Variants in TTC34 observed in about 807,000 individuals in gnomAD.
The protein encoded by TTC34 is tetratricopeptide repeat protein 34.
TTC34 carries 44 observed loss-of-function variants against 40.7 expected under a neutral mutation model. That is an observed-to-expected ratio of 1.08 (90% confidence interval 0.85 to 1.39). The LOEUF (loss-of-function observed/expected upper bound fraction) is 1.39. Among genes scored for constraint, TTC34 ranks in the 40% most tolerant of loss-of-function variants. TTC34 has a pLI of 0.00. For synonymous variants in TTC34, 422 were observed against 398.6 expected (o/e 1.06, Z -0.70); for missense variants, 884 against 838.0 (o/e 1.05, Z -0.68).
intron 6 of TTC34, among the ~76,000 whole-genome samples, chr1:2,768,107 C>A (rs962215447): frequency 1.7e-4 from 26 of 151,408 alleles, no homozygotes; most frequent in Non-Finnish European, 3.2e-4. Flanking sequence ...TGTCTGACAG[C>A]CTAGAGCGGC....
Position 2,650,620 on chromosome 1 carries a change from C to T in TTC34, c.2227-5057G>A, listed in dbSNP as rs766154148. Among the ~76,000 whole-genome samples the T allele has an allele frequency of 1.3e-4, 20 of 148,968 alleles. No individual in the cohort carries two copies. The South Asian group carries it at 2.0e-3, about 15-fold the overall frequency. On this transcript the variant is annotated intron_variant, in intron 6 of 8. Coordinates refer to ENST00000401095, the Ensembl canonical transcript of TTC34. ...AATCTGACAGCCTGGATCAGCACTT[C>T]GACCTTCAGGTGAGTGTCTGAGAGC...
chr1:2,687,124 C>T (rs1331527212), intron 6 of TTC34, among the ~76,000 whole-genome samples: 1 of 145,178 alleles, frequency 6.9e-6, no homozygotes, highest in Non-Finnish European at 1.5e-5. Context: ...GCACCCCACA[C>T]CCACAGGTGA....
intron 6 of TTC34, among the ~76,000 whole-genome samples, chr1:2,686,890 A>ACAGCC (rs1640384348): frequency 2.7e-5 from 1 of 37,422 alleles, no homozygotes; most frequent in Non-Finnish European, 5.0e-5. Flanking sequence ...ACACCCCCTG[A>ACAGCC]TGAGCATCTG....
At chr1:2,792,033 T>TTTTTTTTTTTTTTTTTTTTTCTTTTTA (rs1553171534) in intron 2 of TTC34, among the ~76,000 whole-genome samples, 1 of 107,104 alleles carries the variant, frequency 9.3e-6, no homozygotes, top group African/African-American at 4.0e-5. Context: ...TTTTTTTTTT[T>TTTTTTTTTTTTTTTTTTTTTCTTTTTA]AAAGACAGGG....
rs1412319998 is a variant in TTC34 at position 2,700,013 on chromosome 1, C to A, written c.2227-54450G>T. Among the ~76,000 whole-genome samples the A allele has an allele frequency of 5.1e-5, 6 of 118,326 alleles. 1 individual carries two copies. Among genetic ancestry groups the A allele is most frequent in the Admixed American group, 1.8e-4 (2 of 11,042 alleles). The allele number at this position is 118,326 out of a possible 152,430, so 77.6% of individuals were successfully genotyped here. A position where few individuals can be genotyped will look rare whatever the true frequency, so the allele number is the denominator to read the frequency against. ...TGACAGCCTGGAGCAGCGTCCACAC[C>A]CCCAGGTGAGCATCTGATAGCCTGG... On this transcript the variant is annotated intron_variant, in intron 6 of 8. Transcript: ENST00000401095.
chr1:2,677,662 C>T (rs1440095835), intron 6 of TTC34, among the ~76,000 whole-genome samples: 117 of 151,430 alleles, frequency 7.7e-4, no homozygotes, highest in South Asian at 1.5e-3. Context: ...CCCAGGCGAG[C>T]ATCTGACAGC....
intron 6 of TTC34, among the ~76,000 whole-genome samples, chr1:2,649,570 T>G (rs1639085538): frequency 6.6e-6 from 1 of 151,872 alleles, no homozygotes; most frequent in South Asian, 2.1e-4. Flanking sequence ...AGATGGAGTC[T>G]CTCTCTGTCG....
chr1:2,694,228 C>CAGA (rs1640759067), intron 6 of TTC34, among the ~76,000 whole-genome samples: 1 of 119,460 alleles, frequency 8.4e-6, no homozygotes. Context: ...AGCACCCACA[C>CAGA]CCCCAGGCGA....
At chr1:2,790,395 C>T (rs936961445) in intron 2 of TTC34, 49 bp from the exon 3 acceptor site, 7 of 398,326 alleles carry the variant, frequency 1.8e-5, no homozygotes, top group African/African-American at 1.0e-4. Context: ...GCCGACTCCC[C>T]GGGGGTGCCA....
At chr1:2,790,386 C>T in intron 2 of TTC34, 40 bp from the exon 3 acceptor site, 2 of 398,438 alleles carry the variant, frequency 5.0e-6, no homozygotes. Flanking sequence ...GCCTGGGGGG[C>T]CGACTCCCCG....
rs548979220 is a variant in TTC34, at chr1:2,648,027, C to T, written c.2227-2464G>A. Among the ~76,000 whole-genome samples, 4 of 150,920 alleles carry T rather than the reference C, an allele frequency of 2.7e-5. No individual in the cohort carries two copies. In the South Asian group the frequency reaches 8.3e-4, roughly 31 times the overall value. ...ACTGTTTTTTTTTTTTCATATTCCT[C>T]TGCTAGGATTCTCCATCAAGCTCAC... On this transcript the variant is annotated intron_variant, in intron 6 of 8. Transcript: ENST00000401095.
intron 6 of TTC34, among the ~76,000 whole-genome samples, chr1:2,692,299 G>A (rs1433696521): frequency 7.3e-5 from 2 of 27,518 alleles, no homozygotes; most frequent in African/African-American, 2.4e-4. Context: ...GGAGCAGCAG[G>A]CACACCCCCA....
intron 6 of TTC34, among the ~76,000 whole-genome samples, chr1:2,699,088 C>G (rs1178313241): frequency 6.8e-6 from 1 of 147,404 alleles, no homozygotes; most frequent in African/African-American, 2.5e-5. Context: ...GCAGCGCCCA[C>G]ACACCCAAGT....
chr1:2,694,973 C>A (rs1290237263), intron 6 of TTC34, among the ~76,000 whole-genome samples: 1 of 151,418 alleles, frequency 6.6e-6, no homozygotes, highest in Admixed American at 6.6e-5. Context: ...CATCTGACAG[C>A]CTGGAGCAGC....
chr1:2,771,318 T>A (rs1167606003), intron 6 of TTC34, among the ~76,000 whole-genome samples: 1 of 44,884 alleles, frequency 2.2e-5, no homozygotes, highest in Non-Finnish European at 3.6e-5. Context: ...AATGGCATCC[T>A]CACCTCCAGG....
exon 9 of TTC34, chr1:2,640,559 C>T (rs968518750): frequency 2.0e-5 from 3 of 152,126 alleles, no homozygotes; most frequent in African/African-American, 7.3e-5. Context: ...ACTGGATTCT[C>T]GATGAAGGGC....
Position 2,786,038 on chromosome 1 carries a change from C to T in TTC34, c.1855-15G>A. 6.9e-7 allele frequency: 1 copy of T among 1,454,194 alleles called. No homozygotes were observed. Among genetic ancestry groups the T allele is most frequent in the Non-Finnish European group, 9.1e-7 (1 of 1,095,212 alleles). The allele number at this position is 1,454,194 out of a possible 1,614,324, so 90.1% of individuals were successfully genotyped here. A position where few individuals can be genotyped will look rare whatever the true frequency, so the allele number is the denominator to read the frequency against. ...TTCTTCACCAACTGCAAGGGTGCCA[C>T]AGTCACTGCCCATGCCCTTGGGACC... On this transcript the variant is annotated splice_polypyrimidine_tract_variant and intron_variant, in intron 4 of 8. Transcript: ENST00000401095.
intron 6 of TTC34, among the ~76,000 whole-genome samples, chr1:2,652,409 C>G (rs796900433): frequency 2.7e-5 from 3 of 111,300 alleles, no homozygotes; most frequent in East Asian, 3.1e-4. Flanking sequence ...CGCACACCCC[C>G]AGTGAGCATC....
At chr1:2,769,817 G>C (rs1418920011) in intron 6 of TTC34, among the ~76,000 whole-genome samples, 2 of 121,212 alleles carry the variant, frequency 1.7e-5, no homozygotes, top group East Asian at 5.1e-4. Context: ...TGACAGCCTG[G>C]AGCAGGCGCC....
Sources: gnomAD v4.1 joint callset for allele counts (sites outside exome capture counted in the v4.1 genomes callset) on GRCh38, gnomAD v4.1.1 for gene constraint, MANE v1.5 for transcripts, NCBI Gene and HGNC (gene_info 2026-07-23, HGNC 2026-07-21) for gene names.